Variants in FLT1 observed in about 807,000 individuals in gnomAD.
FLT1 encodes fms related receptor tyrosine kinase 1.
Under a neutral mutation model 156.3 loss-of-function variants are expected in FLT1, and 49 were observed. The observed-to-expected ratio is 0.31, with a 90% CI of 0.25 to 0.40. The LOEUF (loss-of-function observed/expected upper bound fraction) is 0.40. FLT1 is among the 10% of genes least tolerant of loss of function. The probability of loss-of-function intolerance (pLI) is 1.00; values close to 1 mark genes in which losing one functional copy is unlikely to be tolerated. For missense variants in FLT1, 1,322 were observed against 1,637.2 expected (o/e 0.81, Z 3.32); for synonymous variants, 594 against 583.8 (o/e 1.02, Z -0.25).
At chr13:28,383,863 A>G (rs1220882218) in intron 14 of FLT1, among the ~76,000 whole-genome samples, 3 of 152,070 alleles carry the variant, frequency 2.0e-5, no homozygotes, top group Non-Finnish European at 4.4e-5. Context: ...AAAGTAACCT[A>G]GAGATGATTA....
At chr13:28,368,434 G>A (rs1873390363) in intron 14 of FLT1, 7 of 1,473,360 alleles carry the variant, frequency 4.8e-6, no homozygotes, top group East Asian at 2.5e-5. Context: ...TTACAGGCGT[G>A]AGCCACCATG....
chr13:28,413,932 G>A (rs575818837), intron 10 of FLT1, among the ~76,000 whole-genome samples: 188 of 152,292 alleles, frequency 1.2e-3, no homozygotes, highest in African/African-American at 4.5e-3. Flanking sequence ...TTTGAGAATC[G>A]TAGTCACAGA....
intron 13 of FLT1, chr13:28,388,222 C>A: frequency 9.5e-7 from 1 of 1,057,294 alleles, no homozygotes; most frequent in African/African-American, 1.6e-5. Context: ...GTTTTCAGAG[C>A]ATTTGGGGCT....
chr13:28,345,999 G>C (rs1872553811), intron 15 of FLT1, among the ~76,000 whole-genome samples: 1 of 151,020 alleles, frequency 6.6e-6, no homozygotes, highest in Non-Finnish European at 1.5e-5. Flanking sequence ...GACATAAAAG[G>C]GCTACTTTGG....
At chr13:28,373,426 A>G (rs1593719023) in intron 14 of FLT1, among the ~76,000 whole-genome samples, 1 of 152,080 alleles carries the variant, frequency 6.6e-6, no homozygotes, top group South Asian at 2.1e-4. Flanking sequence ...TTCACTGACT[A>G]GTTATCTGAG....
intron 10 of FLT1, among the ~76,000 whole-genome samples, chr13:28,415,407 G>A (rs1876588539): frequency 6.6e-6 from 1 of 152,082 alleles, no homozygotes; most frequent in African/African-American, 2.4e-5. Flanking sequence ...CTTGAACCCG[G>A]GAGGCAGAGG....
chr13:28,336,913 C>T (rs963617766), intron 17 of FLT1, among the ~76,000 whole-genome samples: 1 of 151,570 alleles, frequency 6.6e-6, no homozygotes. Context: ...ACAGCTGGCT[C>T]ATTTTTGTAT....
At chr13:28,385,867 T>C in intron 13 of FLT1, 1 of 1,052,142 alleles carries the variant, frequency 9.5e-7, no homozygotes, top group Non-Finnish European at 1.1e-6. Context: ...AGTATATCTC[T>C]AATGAAGTAG....
At chr13:28,321,673 G>T in intron 22 of FLT1, 88 bp from the exon 23 acceptor site, 1 of 1,386,356 alleles carries the variant, frequency 7.2e-7, no homozygotes, top group Non-Finnish European at 1.0e-6. Context: ...TCTTAATTTG[G>T]GAATCCATTT....
chr13:28,341,585 T>A (rs1343931644), intron 16 of FLT1, among the ~76,000 whole-genome samples: 2 of 152,224 alleles, frequency 1.3e-5, no homozygotes. Flanking sequence ...AAATGTTGGC[T>A]ATAATTATAA....
intron 14 of FLT1, among the ~76,000 whole-genome samples, chr13:28,384,448 C>CAAAAAAAAAAAAAAAAAAAAAAAA (rs79860949): frequency 1.7e-5 from 1 of 60,280 alleles, no homozygotes; most frequent in African/African-American, 5.5e-5. Context: ...GACTCCATCT[C>CAAAAAAAAAAAAAAAAAAAAAAAA]AAAAAAAAAA....
At chr13:28,324,550 C>T (rs1871599878) in intron 20 of FLT1, among the ~76,000 whole-genome samples, 1 of 152,220 alleles carries the variant, frequency 6.6e-6, no homozygotes. Context: ...TACCCACTGC[C>T]ATTGCAGGTA....
rs955140823 is a variant in FLT1, at chr13:28,302,322, A to G, written c.*845T>C. On this transcript the variant is annotated 3_prime_UTR_variant, in exon 30 of 30. Transcript: ENST00000282397. ...ACAACCTAACTCTGGCTAAGTTTTC[A>G]GTGCATCTTACTAGAGGAGCCAAAA... The G allele has an allele frequency of 3.9e-5, 9 of 233,202 alleles. No homozygotes were observed. Among genetic ancestry groups the G allele is most frequent in the Admixed American group, 2.8e-4 (5 of 17,786 alleles). 14.4% of individuals were successfully genotyped at this position (233,202 alleles called of 1,614,324 possible).
chr13:28,349,476 A>G (rs1452493688), intron 15 of FLT1, among the ~76,000 whole-genome samples: 3 of 151,974 alleles, frequency 2.0e-5, no homozygotes, highest in Admixed American at 6.6e-5. Context: ...ACACGCACAC[A>G]CACACACACG....
rs1157216331 is a variant in FLT1, at chr13:28,322,122, G to A, written c.3051+140C>T. On this transcript the variant is annotated intron_variant, in intron 22 of 29. Coordinates refer to ENST00000282397, the MANE Select transcript of FLT1 (RefSeq NM_002019.4). This position sits in a 1 kb window ranked among gnomAD's most constrained non-coding sequence, Gnocchi z 4.3. ...TCATTCTCAAAACTCCTCATATCAAGGCAAATTAAGGCACTTGCAGTGGTG... is the reference window on the plus strand; with the variant it reads ...TCATTCTCAAAACTCCTCATATCAAAGCAAATTAAGGCACTTGCAGTGGTG... 2 of 678,114 alleles carry A rather than the reference G, an allele frequency of 2.9e-6. No homozygotes were observed. Among genetic ancestry groups the A allele is most frequent in the African/African-American group, 3.6e-5 (2 of 55,842 alleles). The allele number at this position is 678,114 out of a possible 1,614,324, so 42.0% of individuals were successfully genotyped here.
chr13:28,330,765 G>A (rs535760475), intron 18 of FLT1, among the ~76,000 whole-genome samples: 9 of 151,266 alleles, frequency 5.9e-5, no homozygotes, highest in East Asian at 5.8e-4. Context: ...CCAGGCTGGC[G>A]TGCATTGGTG....
At chr13:28,360,611 T>A (rs1873077801) in intron 14 of FLT1, among the ~76,000 whole-genome samples, 1 of 152,224 alleles carries the variant, frequency 6.6e-6, no homozygotes, top group Non-Finnish European at 1.5e-5. Flanking sequence ...CTGCATGATT[T>A]CACTTATATG....
intron 16 of FLT1, among the ~76,000 whole-genome samples, chr13:28,341,098 A>G (rs1187619250): frequency 2.6e-5 from 4 of 152,168 alleles, no homozygotes; most frequent in Non-Finnish European, 5.9e-5. Flanking sequence ...TCTTGGGCTC[A>G]TGCAGGATGT....
At chr13:28,348,376 T>G (rs1351286235) in intron 15 of FLT1, among the ~76,000 whole-genome samples, 1 of 152,184 alleles carries the variant, frequency 6.6e-6, no homozygotes, top group Non-Finnish European at 1.5e-5. Flanking sequence ...CTTGCCTCTC[T>G]TTTCAGCTTC....
Sources: gnomAD v4.1 joint callset for allele counts (sites outside exome capture counted in the v4.1 genomes callset) on GRCh38, gnomAD v4.1.1 for gene constraint, Gnocchi (gnomAD v3.1) non-coding constraint, MANE v1.5 for transcripts, NCBI Gene and HGNC (gene_info 2026-07-23, HGNC 2026-07-21) for gene names.